The following PDE4D variants were observed in gnomAD, a reference collection of about 807,000 sequenced individuals.
PDE4D encodes the protein 3',5'-cyclic-AMP phosphodiesterase 4D.
Under a neutral mutation model 87.4 loss-of-function variants are expected in PDE4D, and 24 were observed. That is an observed-to-expected ratio of 0.27 (90% CI 0.20 to 0.39). PDE4D has a LOEUF of 0.39. PDE4D is among the 10% of genes least tolerant of loss of function. The pLI is 1.00. For missense variants in PDE4D, 714 were observed against 1,041.0 expected (o/e 0.69, Z 4.32); for synonymous variants, 384 against 383.2 (o/e 1.00, Z -0.02).
chr5:59,663,618 T>G (rs1745606734), intron 1 of PDE4D, among the ~76,000 whole-genome samples: 1 of 152,212 alleles, frequency 6.6e-6, no homozygotes, highest in Admixed American at 6.5e-5. Context: ...TAATAACAAT[T>G]ATAATAATTG....
rs896471772 is a variant in PDE4D, at chr5:60,387,757, C to T, written c.-90+100185G>A. On this transcript the variant is annotated intron_variant, in intron 1 of 16. Coordinates refer to the PDE4D transcript ENST00000502484. ...AACACAGAAGAAGCCTTCTGTTACC[C>T]GAAGTGTGGAGTTTTGCCCCCACAC... Among the ~76,000 whole-genome samples the T allele has an allele frequency of 2.6e-5, 4 of 152,124 alleles. 1 individual carries two copies. The South Asian group carries it at 8.3e-4, about 32-fold the overall frequency.
chr5:59,322,157 C>A (rs546028253), intron 1 of PDE4D, among the ~76,000 whole-genome samples: 1 of 152,084 alleles, frequency 6.6e-6, no homozygotes, highest in Non-Finnish European at 1.5e-5. Flanking sequence ...CAATAACCAG[C>A]AAAATGCCTT....
At chr5:60,218,510 A>C (rs1744125719) in intron 1 of PDE4D, among the ~76,000 whole-genome samples, 1 of 144,492 alleles carries the variant, frequency 6.9e-6, no homozygotes, top group Non-Finnish European at 1.6e-5. Flanking sequence ...TACCTCACTT[A>C]AGGAAAAAAA....
intron 1 of PDE4D, among the ~76,000 whole-genome samples, chr5:59,718,960 G>T (rs937900483): frequency 6.6e-6 from 1 of 151,368 alleles, no homozygotes; most frequent in Admixed American, 6.6e-5. Context: ...GTACAATAAA[G>T]GTACCTGCTC....
rs1377635454 is a variant in PDE4D at position 58,974,326 on chromosome 5, TAGAAACC to T, written c.*331_*337del. 1 of 183,728 alleles carries T rather than the reference TAGAAACC, an allele frequency of 5.4e-6. No individual in the cohort carries two copies. The highest frequency in any genetic ancestry group is 1.9e-4 in the South Asian group (1 of 5,398). 11.4% of individuals were successfully genotyped at this position (183,728 alleles called of 1,614,324 possible). On this transcript the variant is annotated 3_prime_UTR_variant, in exon 15 of 15. Transcript: ENST00000340635. Reference sequence around the variant, plus strand: ...AATATTGCAAACAAATAAAAAGGAATAGAAACCCCAAGTCCAATAAACTTTTGGGCTG... The same window carrying T: ...AATATTGCAAACAAATAAAAAGGAATCCAAGTCCAATAAACTTTTGGGCTG...
chr5:59,888,278 T>G (rs1750461326), intron 1 of PDE4D, among the ~76,000 whole-genome samples: 1 of 152,200 alleles, frequency 6.6e-6, no homozygotes. Flanking sequence ...CCCTTCTACC[T>G]CCTCTGCCCA....
chr5:59,428,299 C>T (rs567053398), intron 1 of PDE4D, among the ~76,000 whole-genome samples: 2 of 152,194 alleles, frequency 1.3e-5, no homozygotes, highest in African/African-American at 4.8e-5. Flanking sequence ...TATGGATTTT[C>T]GTGAAAAGCC....
intron 1 of PDE4D, among the ~76,000 whole-genome samples, chr5:59,834,696 G>T (rs1176685487): frequency 6.6e-6 from 1 of 151,978 alleles, no homozygotes; most frequent in Admixed American, 6.6e-5. Context: ...CCCCAGTAAG[G>T]CTTGTGAAAA....
intron 1 of PDE4D, among the ~76,000 whole-genome samples, chr5:59,748,995 C>A (rs1192355828): frequency 6.6e-6 from 1 of 152,174 alleles, no homozygotes; most frequent in Non-Finnish European, 1.5e-5. Flanking sequence ...GCAATTTCTT[C>A]TAGGAACTTT....
chr5:60,320,533 C>T (rs1296996237), intron 1 of PDE4D, among the ~76,000 whole-genome samples: 2 of 152,170 alleles, frequency 1.3e-5, no homozygotes, highest in African/African-American at 2.4e-5. Flanking sequence ...AACCTGGTAC[C>T]TCTGTTGGAA....
chr5:59,488,128 C>T (rs1325154493), intron 1 of PDE4D, among the ~76,000 whole-genome samples: 1 of 130,602 alleles, frequency 7.7e-6, no homozygotes, highest in African/African-American at 2.9e-5. Context: ...CCCGTGGAGA[C>T]AGACATCCCA....
chr5:60,156,225 T>C (rs1460193817), intron 2 of PDE4D, among the ~76,000 whole-genome samples: 1 of 152,240 alleles, frequency 6.6e-6, no homozygotes, highest in Admixed American at 6.5e-5. Context: ...GCCTCGCTAC[T>C]GTTTGTTTAT....
chr5:59,394,403 G>A (rs552454543), intron 1 of PDE4D, among the ~76,000 whole-genome samples: 2 of 152,268 alleles, frequency 1.3e-5, no homozygotes, highest in South Asian at 4.1e-4. Context: ...TTGCTGAAGG[G>A]AGGTTTCTGG....
chr5:60,463,786 C>T (rs973187045), intron 1 of PDE4D, among the ~76,000 whole-genome samples: 19 of 152,308 alleles, frequency 1.2e-4, no homozygotes, highest in African/African-American at 4.6e-4. Flanking sequence ...AACAGCTGTC[C>T]TTTCCTGCCA....
chr5:60,300,515 G>A (rs1753800583), intron 1 of PDE4D, among the ~76,000 whole-genome samples: 1 of 152,010 alleles, frequency 6.6e-6, no homozygotes, highest in Non-Finnish European at 1.5e-5. Flanking sequence ...TTTTCTTCTA[G>A]GGTTTTTATG....
At chr5:59,769,867 T>G (rs1763268433) in intron 1 of PDE4D, among the ~76,000 whole-genome samples, 2 of 152,032 alleles carry the variant, frequency 1.3e-5, no homozygotes, top group Admixed American at 1.3e-4. Context: ...ACTGGAATGA[T>G]TCTTTTTGTT....
chr5:59,687,316 G>A (rs931771329), intron 1 of PDE4D, among the ~76,000 whole-genome samples: 3 of 152,080 alleles, frequency 2.0e-5, no homozygotes, highest in Non-Finnish European at 4.4e-5. Context: ...AAATGTTAAG[G>A]GCAGCCAGAG....
intron 1 of PDE4D, chr5:60,188,503 T>C (rs922164169): frequency 6.6e-6 from 1 of 151,936 alleles, no homozygotes; most frequent in African/African-American, 2.4e-5. Flanking sequence ...ACTAACCAAA[T>C]GCAAGCAAGC....
chr5:59,275,633 T>C, intron 1 of PDE4D: 4 of 1,245,474 alleles, frequency 3.2e-6, no homozygotes, highest in Non-Finnish European at 4.0e-6. Flanking sequence ...TACTAGGCTG[T>C]TAGGAAGTGA....
Sources: allele counts gnomAD v4.1 joint callset (sites outside exome capture counted in the v4.1 genomes callset), GRCh38; gene constraint gnomAD v4.1.1; transcripts MANE v1.5; gene names NCBI Gene and HGNC (gene_info 2026-07-23, HGNC 2026-07-21).